Variants in EPHA10 observed in about 807,000 individuals in gnomAD.
The protein encoded by EPHA10 is ephrin type-A receptor 10.
EPHA10 carries 120 observed loss-of-function variants against 109.7 expected under a neutral mutation model. The ratio of observed to expected loss-of-function variants is 1.09; its 90% CI spans 0.94 to 1.27. The LOEUF (loss-of-function observed/expected upper bound fraction) is 1.27. Among genes scored for constraint, EPHA10 ranks in the 50% most tolerant of loss-of-function variants. The probability of loss-of-function intolerance (pLI) is 0.00; values close to 1 mark genes in which losing one functional copy is unlikely to be tolerated. For synonymous variants in EPHA10, 640 were observed against 618.9 expected (o/e 1.03, Z -0.51); for missense variants, 1,396 against 1,411.1 (o/e 0.99, Z 0.17).
At chr1:37,749,228 T>C (rs565914480) in intron 5 of EPHA10, among the ~76,000 whole-genome samples, 31 of 151,652 alleles carry the variant, frequency 2.0e-4, no homozygotes, top group African/African-American at 7.2e-4. Context: ...CAGCCCCGTT[T>C]CAATGAATTA....
chr1:37,760,115 G>A (rs1474823482), intron 3 of EPHA10, among the ~76,000 whole-genome samples: 8 of 152,140 alleles, frequency 5.3e-5, no homozygotes, highest in Admixed American at 5.2e-4. Context: ...TTCCTCCCCT[G>A]TCCTCCCACC....
In EPHA10 at chr1:37,731,472, C is replaced by A. The variant is rs77925917; in HGVS notation, c.1602G>T (p.Pro534=). 1.1e-5 allele frequency: 18 copies of A among 1,613,930 alleles called. No individual in the cohort carries two copies. The East Asian group carries it at 4.0e-4, about 36-fold the overall frequency. The part of the protein sequence containing the change: ...RYVFQIRAAS[P]GPSWEAQSFN... ...AACTCTGGGCCTCCCAGGATGGCCCCGGGGAAGCGGCCCGGATCTGAAAGA... is the reference window on the plus strand; with the variant it reads ...AACTCTGGGCCTCCCAGGATGGCCCAGGGGAAGCGGCCCGGATCTGAAAGA... The change falls in exon 7 of 17, where the codon CCG becomes CCT. Residue 534 remains proline (P), a synonymous_variant. Transcript: ENST00000373048.
At chr1:37,756,784 T>C (rs986346092) in intron 3 of EPHA10, 2 of 152,390 alleles carry the variant, frequency 1.3e-5, no homozygotes, top group Non-Finnish European at 2.9e-5. Flanking sequence ...AGAACATATC[T>C]GCTTGGGTCC....
chr1:37,759,360 T>C (rs1646413718), intron 3 of EPHA10, among the ~76,000 whole-genome samples: 1 of 152,150 alleles, frequency 6.6e-6, no homozygotes, highest in African/African-American at 2.4e-5. Context: ...GCTATGTTCC[T>C]TCTGCCTCCA....
intron 3 of EPHA10, among the ~76,000 whole-genome samples, chr1:37,757,473 G>T (rs1043141379): frequency 6.6e-6 from 1 of 152,096 alleles, no homozygotes; most frequent in Non-Finnish European, 1.5e-5. Context: ...TCTGGGTCTT[G>T]TTCTGTAATT....
In EPHA10 at chr1:37,727,227, G is replaced by A. The variant is rs375549229; in HGVS notation, c.1664-17C>T. Reference sequence around the variant, plus strand: ...CTGAGGCAGCTGGGAGGAAAATCACGAGGTTGAGGCAGGCAGAGGACCAGG... The same window carrying A: ...CTGAGGCAGCTGGGAGGAAAATCACAAGGTTGAGGCAGGCAGAGGACCAGG... On this transcript the variant is annotated splice_polypyrimidine_tract_variant and intron_variant, in intron 7 of 16. Transcript: ENST00000373048. The A allele has an allele frequency of 2.5e-5, 40 of 1,586,862 alleles. No homozygotes were observed. The highest frequency in any genetic ancestry group is 8.0e-5 in the South Asian group (7 of 87,172).
At chr1:37,749,579 A>G (rs1288184594) in intron 5 of EPHA10, among the ~76,000 whole-genome samples, 1 of 151,968 alleles carries the variant, frequency 6.6e-6, no homozygotes, top group African/African-American at 2.4e-5. Context: ...AGGCTGAGGC[A>G]GGAGAGTCGC....
At chr1:37,721,473 G>A (rs1267426101) in intron 11 of EPHA10, among the ~76,000 whole-genome samples, 187 bp downstream of exon 11, 4 of 151,832 alleles carry the variant, frequency 2.6e-5, no homozygotes, top group African/African-American at 9.7e-5. Context: ...AGGTCATTCT[G>A]AGCCAGAGTG....
rs1272302600 is a variant in EPHA10 at position 37,748,069 on chromosome 1, T to C, written c.1357+4807A>G. On this transcript the variant is annotated intron_variant, in intron 5 of 16. Transcript: ENST00000373048. ...AAGACGTTACAGTAAAGATTAAAAA[T>C]ATCAAACCACCAGGTGCAGTGCCTC... is the stretch of plus-strand genomic sequence containing the variant. 2.6e-5 allele frequency among the ~76,000 whole-genome samples: 4 copies of C among 152,206 alleles called. 1 individual carries two copies. Among genetic ancestry groups the C allele is most frequent in the East Asian group, 3.9e-4 (2 of 5,184 alleles).
At chr1:37,763,603 G>A (rs888986470) in intron 1 of EPHA10, among the ~76,000 whole-genome samples, 1 of 152,044 alleles carries the variant, frequency 6.6e-6, no homozygotes, top group African/African-American at 2.4e-5. Flanking sequence ...GATTGGGGGT[G>A]GGAGTCAGTG....
intron 3 of EPHA10, among the ~76,000 whole-genome samples, chr1:37,755,800 C>A (rs1300281918): frequency 2.0e-5 from 3 of 152,202 alleles, no homozygotes; most frequent in East Asian, 3.8e-4. Context: ...AAAAAAATTT[C>A]TCACCAGCTG....
rs779839532 is a variant in EPHA10, at chr1:37,721,636, CAGGA to C, written c.2146+20_2146+23del. ...CCCCCCATACCCGTGGGCTGGGCAG[CAGGA>C]AGGGAGCACCGGGCCCTACCTCGGG... On this transcript the variant is annotated intron_variant, in intron 11 of 16. Coordinates refer to ENST00000373048, the MANE Select transcript of EPHA10 (RefSeq NM_001099439.2). 6 of 1,585,060 alleles carry C rather than the reference CAGGA, an allele frequency of 3.8e-6. No homozygotes were observed. Among genetic ancestry groups the C allele is most frequent in the Non-Finnish European group, 2.6e-6 (3 of 1,163,870 alleles).
chr1:37,762,691 C>T, intron 2 of EPHA10, 94 bp downstream of exon 2: 2 of 1,139,166 alleles, frequency 1.8e-6, no homozygotes, highest in Non-Finnish European at 2.4e-6. Context: ...CTCTGAGGAG[C>T]ACTTTTGTCT....
Position 37,716,435 on chromosome 1 carries a change from C to A in EPHA10, c.*1937G>T. ...CCCAGGAGGGGTGGGGAAGGCGGAT[C>A]CTGGAGGGCACCTGGCCGGGGGCTC... is the stretch of plus-strand genomic sequence containing the variant. On this transcript the variant is annotated 3_prime_UTR_variant, in exon 17 of 17. Coordinates refer to ENST00000373048, the MANE Select transcript of EPHA10 (RefSeq NM_001099439.2). 4.3e-6 allele frequency: 1 copy of A among 234,234 alleles called. No individual in the cohort carries two copies. The highest frequency in any genetic ancestry group is 6.1e-5 in the East Asian group (1 of 16,516). The allele number at this position is 234,234 out of a possible 1,614,324, so 14.5% of individuals were successfully genotyped here. A position where few individuals can be genotyped will look rare whatever the true frequency, so the allele number is the denominator to read the frequency against.
At chr1:37,744,414 G>A (rs1326399631) in intron 5 of EPHA10, among the ~76,000 whole-genome samples, 1 of 152,018 alleles carries the variant, frequency 6.6e-6, no homozygotes, top group Non-Finnish European at 1.5e-5. Flanking sequence ...CAGCTACTCG[G>A]GAGGCTGAGG....
chr1:37,752,136 G>T (rs1646337437), intron 5 of EPHA10, among the ~76,000 whole-genome samples: 1 of 152,120 alleles, frequency 6.6e-6, no homozygotes, highest in African/African-American at 2.4e-5. Context: ...TTCTTGCAAA[G>T]AATACAAGCA....
At chr1:37,719,014 A>AGCCAGC in intron 15 of EPHA10, 198 bp from the exon 16 acceptor site, 1 of 682,426 alleles carries the variant, frequency 1.5e-6, no homozygotes, top group South Asian at 1.9e-5. Flanking sequence ...GTGGAGGCAG[A>AGCCAGC]GCCAGCGCCA....
At chr1:37,755,316 A>T (rs533294982) in intron 3 of EPHA10, among the ~76,000 whole-genome samples, 1 of 143,628 alleles carries the variant, frequency 7.0e-6, no homozygotes, top group East Asian at 2.1e-4. Flanking sequence ...GGACAGACAC[A>T]CAAGCATACA....
Position 37,719,544 on chromosome 1 carries a change from G to A in EPHA10, c.2626C>T (p.His876Tyr), listed in dbSNP as rs1645751549. 1 of 1,613,932 alleles carries A rather than the reference G, an allele frequency of 6.2e-7. No homozygotes were observed. The highest frequency in any genetic ancestry group is 8.5e-7 in the Non-Finnish European group (1 of 1,180,042). ...PPPRNCPNLL[H>Y]RLMLDCWQKD... ...TGCCAGCAGTCGAGCATTAGTCGGT[G>A]CAGAAGGTTAGGACAGTTCCTGGGG... The change falls in exon 15 of 17, where the codon CAC becomes TAC. Residue 876 changes from histidine to tyrosine, a missense_variant. Coordinates refer to ENST00000373048, the MANE Select transcript of EPHA10 (RefSeq NM_001099439.2).
Sources: gnomAD v4.1 joint callset for allele counts (sites outside exome capture counted in the v4.1 genomes callset) on GRCh38, gnomAD v4.1.1 for gene constraint, MANE v1.5 for transcripts, NCBI Gene and HGNC (gene_info 2026-07-23, HGNC 2026-07-21) for gene names.